The following SLC26A5 variants were observed in gnomAD, a reference collection of about 807,000 sequenced individuals.
SLC26A5 encodes the protein prestin.
SLC26A5 carries 51 observed loss-of-function variants against 81.0 expected under a neutral mutation model. The ratio of observed to expected loss-of-function variants is 0.63; its 90% confidence interval spans 0.50 to 0.80. The LOEUF (loss-of-function observed/expected upper bound fraction) is 0.80, where lower values mean the gene tolerates loss of function less well. Among genes scored for constraint, SLC26A5 ranks in the 30% least tolerant of loss-of-function variants. The pLI is 0.00. For synonymous variants in SLC26A5, 325 were observed against 332.8 expected, an observed-to-expected ratio of 0.98 and a Z score of 0.25; for missense variants, 771 against 905.8, an observed-to-expected ratio of 0.85 and a Z score of 1.91.
chr7:103,411,613 T>C lies in SLC26A5; in HGVS notation c.404-27A>G, dbSNP rs772354068. ...TGAAATAATGAAGCATGAAGATCCC[T>C]GTTCAGGGTTCAGAGTATCTGATAT... On this transcript the variant is annotated intron_variant, in intron 5 of 19. Coordinates refer to ENST00000306312, the MANE Select transcript of SLC26A5 (RefSeq NM_198999.3). The C allele has an allele frequency of 2.8e-5, 45 of 1,613,644 alleles. No individual in the cohort carries two copies. The East Asian group carries it at 5.3e-4, about 19-fold the overall frequency.
chr7:103,362,463 C>T, intron 19 of SLC26A5: 1 of 1,379,462 alleles, frequency 7.2e-7, no homozygotes, highest in Non-Finnish European at 9.3e-7. Flanking sequence ...AATCTCCCCT[C>T]CCTCCTCAAA....
chr7:103,380,475 C>T lies in SLC26A5; in HGVS notation c.1584+5G>A, dbSNP rs771984442. The T allele has an allele frequency of 6.2e-7, 1 of 1,612,700 alleles. No homozygotes were observed. The highest frequency in any genetic ancestry group is 2.2e-5 in the East Asian group (1 of 44,868). On this transcript the variant is annotated splice_donor_5th_base_variant and intron_variant, in intron 15 of 19. Coordinates refer to ENST00000306312, the MANE Select transcript of SLC26A5 (RefSeq NM_198999.3). ...ACCTTTTTAAGTGATAGAAAAAGGT[C>T]CTACCTCCTCATATGCGTCTATATC...
chr7:103,421,756 C>T (rs893331360), intron 2 of SLC26A5, among the ~76,000 whole-genome samples, 189 bp from the exon 3 acceptor site: 1 of 152,118 alleles, frequency 6.6e-6, no homozygotes, highest in Non-Finnish European at 1.5e-5. Flanking sequence ...AAAAACGTGA[C>T]TTATTCCCTC....
chr7:103,435,953 T>C (rs1021829050), intron 2 of SLC26A5, among the ~76,000 whole-genome samples: 5 of 152,166 alleles, frequency 3.3e-5, no homozygotes. Context: ...TTATTGACCA[T>C]TTTGTAAACT....
chr7:103,366,403 T>G (rs571891697), intron 19 of SLC26A5, among the ~76,000 whole-genome samples: 4 of 152,344 alleles, frequency 2.6e-5, no homozygotes, highest in Admixed American at 2.0e-4. Flanking sequence ...TGAATATCCC[T>G]TAGCCGAAAT....
chr7:103,416,269 T>C (rs941865425), intron 4 of SLC26A5, among the ~76,000 whole-genome samples: 1 of 152,280 alleles, frequency 6.6e-6, no homozygotes, highest in Non-Finnish European at 1.5e-5. Flanking sequence ...CTTCGTTTAC[T>C]GATGGGCCTT....
rs748788450 is a variant in SLC26A5, at chr7:103,378,538, C to T, written c.1693G>A (p.Ala565Thr). 24 of 1,614,076 alleles carry T rather than the reference C, an allele frequency of 1.5e-5. No individual in the cohort carries two copies. The highest frequency in any genetic ancestry group is 1.9e-5 in the Non-Finnish European group (23 of 1,179,970). Residue 565 changes from alanine to threonine, a missense_variant, in exon 17 of 20, where the codon GCA becomes ACA. By Grantham distance (58) the Ala-to-Thr change is moderately conservative (BLOSUM62 0). Transcript: ENST00000306312. ...TTTCTCCTTGCTCCCATGATGACTG[C>T]TGGGTTCACTCCAGTCTTTACAGAA... The part of the protein sequence containing the change: ...ALKRKTGVNP[A>T]VIMGARRKAM...
intron 14 of SLC26A5, among the ~76,000 whole-genome samples, chr7:103,381,644 C>T (rs1821800673): frequency 1.3e-5 from 2 of 151,108 alleles, no homozygotes; most frequent in South Asian, 4.2e-4. Flanking sequence ...GCGTACATAC[C>T]ACATATATGC....
intron 19 of SLC26A5, chr7:103,362,287 C>G: frequency 7.1e-7 from 1 of 1,401,024 alleles, no homozygotes; most frequent in African/African-American, 1.5e-5. Flanking sequence ...TCCCCTACTC[C>G]CACTGTTGTT....
chr7:103,389,231 C>T (rs912562864), intron 13 of SLC26A5, 98 bp downstream of exon 13: 14 of 1,195,664 alleles, frequency 1.2e-5, no homozygotes, highest in Non-Finnish European at 1.5e-5. Context: ...GGATACTGCA[C>T]ATAACAACTG....
At chr7:103,369,213 T>C (rs1244604818), downstream of SLC26A5, 1 of 152,222 alleles carries the variant, frequency 6.6e-6, no homozygotes, top group East Asian at 1.9e-4. Flanking sequence ...TTCTTGATTT[T>C]TCATTTTTAT....
At chr7:103,409,587 C>T (rs145226941) in intron 7 of SLC26A5, among the ~76,000 whole-genome samples, 1 of 152,116 alleles carries the variant, frequency 6.6e-6, no homozygotes, top group Non-Finnish European at 1.5e-5. Flanking sequence ...ACCATTGTTC[C>T]TTAAGTGCTT....
chr7:103,393,567 CTGTGTG>C (rs10549297), intron 9 of SLC26A5, among the ~76,000 whole-genome samples: 20 of 147,822 alleles, frequency 1.4e-4, no homozygotes, highest in African/African-American at 2.5e-4. Context: ...CTACCTCTTC[CTGTGTG>C]TGTGTGTGTG....
intron 17 of SLC26A5, 113 bp downstream of exon 17, chr7:103,378,333 A>G: frequency 9.4e-7 from 1 of 1,068,894 alleles, no homozygotes; most frequent in Admixed American, 1.8e-5. Flanking sequence ...GGTGGTTTCT[A>G]AACTTTCCTC....
intron 9 of SLC26A5, among the ~76,000 whole-genome samples, chr7:103,393,859 G>A (rs1822871603): frequency 6.6e-6 from 1 of 152,052 alleles, no homozygotes. Flanking sequence ...AAGGCATTGG[G>A]CTAAACAATA....
At chr7:103,362,346 A>G in intron 19 of SLC26A5, 1 of 1,359,602 alleles carries the variant, frequency 7.4e-7, no homozygotes, top group Non-Finnish European at 9.4e-7. Context: ...AGTCCATTTA[A>G]GGTAACATGG....
intron 7 of SLC26A5, among the ~76,000 whole-genome samples, chr7:103,409,852 T>A (rs1324325233): frequency 6.6e-6 from 1 of 151,882 alleles, no homozygotes; most frequent in Admixed American, 6.6e-5. Flanking sequence ...GGATCACAGG[T>A]GCCCGCCACC....
chr7:103,418,259 A>C (rs1227886939), intron 4 of SLC26A5, among the ~76,000 whole-genome samples: 1 of 152,222 alleles, frequency 6.6e-6, no homozygotes, highest in Non-Finnish European at 1.5e-5. Context: ...ATGTCTTTCC[A>C]AAGTCTTTCC....
At chr7:103,356,919 G>A (rs1039298932) in intron 19 of SLC26A5, among the ~76,000 whole-genome samples, 13 of 152,064 alleles carry the variant, frequency 8.5e-5, no homozygotes, top group African/African-American at 2.9e-4. Flanking sequence ...GTTCCTAAAA[G>A]CTAAAGATTA....
Sources: allele counts gnomAD v4.1 joint callset (sites outside exome capture counted in the v4.1 genomes callset), GRCh38; gene constraint gnomAD v4.1.1; transcripts MANE v1.5; gene names NCBI Gene and HGNC (gene_info 2026-07-23, HGNC 2026-07-21).